KLHDC4: variants seen among roughly 807,000 people sequenced by gnomAD.
KLHDC4 encodes kelch domain containing 4, also known as kelch domain-containing protein 4.
Under a neutral mutation model 62.4 loss-of-function variants are expected in KLHDC4, and 90 were observed. The observed-to-expected ratio is 1.44, with a 90% CI of 1.22 to 1.72. The LOEUF is 1.72. KLHDC4 is among the 40% of genes most tolerant of loss of function. The pLI, the probability that KLHDC4 is intolerant of heterozygous loss-of-function variation, is 0.00. For missense variants in KLHDC4, 1,025 were observed against 699.7 expected (o/e 1.47, Z -5.25); for synonymous variants, 386 against 284.4 (o/e 1.36, Z -3.59).
Position 87,761,680 on chromosome 16 carries a change from TC to T in KLHDC4, c.191+268del, listed in dbSNP as rs962593872. Among the ~76,000 whole-genome samples the T allele has an allele frequency of 1.9e-3, 288 of 152,248 alleles. 4 individuals carry two copies. Among genetic ancestry groups the T allele is most frequent in the Admixed American group, 0.019 (285 of 15,280 alleles). On this transcript the variant is annotated intron_variant, in intron 2 of 11. Transcript: ENST00000270583. ...AAAGCTCACTGGGGCAAAACTTTCA[TC>T]CCCACGTCACGACCAGTGGAGGAGC...
intron 5 of KLHDC4, among the ~76,000 whole-genome samples, chr16:87,733,459 G>C (rs1016961303): frequency 6.6e-6 from 1 of 152,208 alleles, no homozygotes; most frequent in Non-Finnish European, 1.5e-5. Flanking sequence ...ACATCAGGCT[G>C]AACAGGGTGC....
At chr16:87,699,480 G>C (rs1254538889) in exon 1 of KLHDC4, 1 of 152,162 alleles carries the variant, frequency 6.6e-6, no homozygotes, top group African/African-American at 2.4e-5. Context: ...GATCACCTGA[G>C]GTCAGGAGCT....
intron 7 of KLHDC4, among the ~76,000 whole-genome samples, chr16:87,718,732 G>A (rs1233037586): frequency 2.6e-5 from 4 of 150,958 alleles, no homozygotes; most frequent in Non-Finnish European, 4.4e-5. Flanking sequence ...CCCAGCCTGG[G>A]AAGTGAGGAG....
chr16:87,722,182 T>C (rs951927057), intron 7 of KLHDC4, among the ~76,000 whole-genome samples: 14 of 152,238 alleles, frequency 9.2e-5, no homozygotes, highest in African/African-American at 3.1e-4. Context: ...CAAGTCATCA[T>C]AGTCAAAGCA....
intron 2 of KLHDC4, among the ~76,000 whole-genome samples, chr16:87,758,509 A>G (rs2045345799): frequency 6.6e-6 from 1 of 152,226 alleles, no homozygotes; most frequent in Admixed American, 6.5e-5. Context: ...ATTCACAGTG[A>G]CAGAAAGTTG....
intron 8 of KLHDC4, among the ~76,000 whole-genome samples, chr16:87,714,181 C>T (rs1597409459): frequency 6.6e-6 from 1 of 152,180 alleles, no homozygotes; most frequent in South Asian, 2.1e-4. Flanking sequence ...AGCTCAAGAC[C>T]CTTGGAGGGG....
intron 7 of KLHDC4, among the ~76,000 whole-genome samples, chr16:87,718,443 C>A (rs1225265117): frequency 6.6e-6 from 1 of 150,570 alleles, no homozygotes; most frequent in Non-Finnish European, 1.5e-5. Flanking sequence ...TGTACTGCCG[C>A]CATCTCGGCT....
Position 87,709,360 on chromosome 16 carries a change from A to C in KLHDC4, c.1352T>G (p.Phe451Cys). The C allele has an allele frequency of 5.6e-6, 9 of 1,613,474 alleles. No individual in the cohort carries two copies. The highest frequency in any genetic ancestry group is 7.6e-6 in the Non-Finnish European group (9 of 1,179,922). The change falls in exon 10 of 12, where the codon TTT becomes TGT. Residue 451 changes from phenylalanine (F) to cysteine (C), a missense_variant. Phe to Cys is a radical substitution (Grantham distance 205, BLOSUM62 -2). Transcript: ENST00000270583. ...GGTGACCTGGCGGTCGCCGGCCTCA[A>C]ACATGCCCCCATAGACGTAGAGCAC... is the stretch of plus-strand genomic sequence containing the variant. Reference protein sequence around the residue: ...HGVLYVYGGMFEAGDRQVTLS... With the variant: ...HGVLYVYGGMCEAGDRQVTLS...
chr16:87,708,487 C>T, intron 10 of KLHDC4, 21 bp from the exon 11 acceptor site: 2 of 1,571,024 alleles, frequency 1.3e-6, no homozygotes, highest in African/African-American at 1.4e-5. Flanking sequence ...AGAATGAACG[C>T]ACATACACGT....
At chr16:87,718,299 CT>C (rs1464739002) in intron 7 of KLHDC4, among the ~76,000 whole-genome samples, 58 of 109,474 alleles carry the variant, frequency 5.3e-4, no homozygotes, top group African/African-American at 1.6e-3. Context: ...CCCTCTCCCT[CT>C]CCCTCCCCCT....
In KLHDC4 at chr16:87,711,321, C is replaced by A. The variant is rs752130249; in HGVS notation, c.958G>T (p.Glu320Ter). The change falls in exon 9 of 12, where the codon GAG becomes TAG. Residue 320 changes from glutamate (E) to a stop codon, truncating the protein, a stop_gained. Coordinates refer to ENST00000270583, the MANE Select transcript of KLHDC4 (RefSeq NM_017566.4). LOFTEE classifies it high-confidence loss of function. ...AACTCGCCCGACAGGCTCTCCTCCT[C>A]TTCCTCGTCACAGACACCCCCGAAG... ...LFFGGVCDEEEEESLSGEFFN... is the reference protein window; with the variant it reads ...LFFGGVCDEE 2 of 1,614,108 alleles carry A rather than the reference C, an allele frequency of 1.2e-6. No individual in the cohort carries two copies. Among genetic ancestry groups the A allele is most frequent in the South Asian group, 2.2e-5 (2 of 91,084 alleles).
chr16:87,746,919 G>C (rs1025995070), intron 5 of KLHDC4, among the ~76,000 whole-genome samples: 2 of 152,212 alleles, frequency 1.3e-5, no homozygotes, highest in African/African-American at 4.8e-5. Context: ...TCCAGACCCA[G>C]GGCAGCTGCC....
chr16:87,701,354 A>G, exon 1 of KLHDC4: 1 of 315,060 alleles, frequency 3.2e-6, no homozygotes, highest in African/African-American at 2.2e-5. Context: ...CATACTGTGG[A>G]GAGAAGCTGA....
At chr16:87,765,018 C>A (rs1213180160) in intron 1 of KLHDC4, 2 of 424,534 alleles carry the variant, frequency 4.7e-6, no homozygotes, top group South Asian at 3.4e-5. Flanking sequence ...TCATGGTTCA[C>A]CTGTTGGTCT....
chr16:87,700,916 C>T (rs1181547545), exon 1 of KLHDC4: 1 of 256,778 alleles, frequency 3.9e-6, no homozygotes, highest in Non-Finnish European at 7.7e-6. Flanking sequence ...AGGAGTCAGT[C>T]AACTCAGGCA....
At chr16:87,714,336 T>TGGGGGCCCC in intron 8 of KLHDC4, 162 bp downstream of exon 8, 1 of 140,734 alleles carries the variant, frequency 7.1e-6, no homozygotes, top group Non-Finnish European at 1.5e-5. Context: ...ATGGAGCCTG[T>TGGGGGCCCC]CCCACCCGGC....
At chr16:87,763,751 G>C (rs116761449) in intron 1 of KLHDC4, 1 of 152,180 alleles carries the variant, frequency 6.6e-6, no homozygotes, top group Non-Finnish European at 1.5e-5. Flanking sequence ...TACTTAGAGC[G>C]GTCTTTGACC....
rs1235805127 is a variant in KLHDC4, at chr16:87,700,683, T to C, written c.*956A>G. On this transcript the variant is annotated 3_prime_UTR_variant, in exon 1 of 1. Coordinates refer to the KLHDC4 transcript ENST00000446344. ...AGGGCAGAGGGCGGAGGGAGGAGGTTGGAGGGCGGAGGGAGGAGGTTGGAG... is the reference window on the plus strand; with the variant it reads ...AGGGCAGAGGGCGGAGGGAGGAGGTCGGAGGGCGGAGGGAGGAGGTTGGAG... 2.0e-4 allele frequency: 22 copies of C among 112,496 alleles called. 2 individuals are homozygous for C. The East Asian group carries it at 0.011, about 58-fold the overall frequency. The allele number at this position is 112,496 out of a possible 1,614,324, so 7.0% of individuals were successfully genotyped here. A position where few individuals can be genotyped will look rare whatever the true frequency, so the allele number is the denominator to read the frequency against.
chr16:87,716,023 G>A (rs2036895007), intron 7 of KLHDC4, among the ~76,000 whole-genome samples: 1 of 152,112 alleles, frequency 6.6e-6, no homozygotes, highest in Non-Finnish European at 1.5e-5. Context: ...GGATATTTAT[G>A]CAGACTTTGG....
Sources: gnomAD v4.1 joint callset for allele counts (sites outside exome capture counted in the v4.1 genomes callset) on GRCh38, gnomAD v4.1.1 for gene constraint, MANE v1.5 for transcripts, NCBI Gene and HGNC (gene_info 2026-07-23, HGNC 2026-07-21) for gene names.